Variants in MECOM observed in about 807,000 individuals in gnomAD.
MECOM encodes the protein histone-lysine N-methyltransferase MECOM.
In MECOM, 13 loss-of-function variants were observed where a neutral mutation model predicts 116.3. The observed-to-expected ratio is 0.11, with a 90% CI of 0.07 to 0.18. MECOM has a LOEUF of 0.18. MECOM is among the 10% of genes least tolerant of loss of function. The pLI is 1.00. For missense variants in MECOM, 1,299 were observed against 1,509.0 expected (o/e 0.86, Z 2.31); for synonymous variants, 528 against 535.2 (o/e 0.99, Z 0.19).
intron 2 of MECOM, among the ~76,000 whole-genome samples, chr3:169,274,094 T>C (rs1028690670): frequency 6.6e-6 from 1 of 151,976 alleles, no homozygotes; most frequent in African/African-American, 2.4e-5. Flanking sequence ...GCATTTTTAG[T>C]AGAGACAGGG....
At chr3:169,190,137 G>GCTTA (rs1747322292) in intron 2 of MECOM, among the ~76,000 whole-genome samples, 1 of 151,954 alleles carries the variant, frequency 6.6e-6, no homozygotes, top group Admixed American at 6.6e-5. Context: ...CAATTTTTAA[G>GCTTA]CTTACTTGCA....
intron 1 of MECOM, among the ~76,000 whole-genome samples, chr3:169,471,366 A>G (rs1310060999): frequency 1.4e-5 from 2 of 144,678 alleles, no homozygotes; most frequent in East Asian, 1.9e-4. Flanking sequence ...ACCTCAGGAA[A>G]AAAAAAAAAA....
At chr3:169,146,962 A>G (rs944522276) in intron 2 of MECOM, 1 of 1,000,142 alleles carries the variant, frequency 1.0e-6, no homozygotes, top group Admixed American at 5.5e-5. Flanking sequence ...CTCCAGGACC[A>G]CGCGTTTCGG....
At chr3:169,574,007 T>C (rs907043889) in intron 1 of MECOM, among the ~76,000 whole-genome samples, 7 of 152,210 alleles carry the variant, frequency 4.6e-5, no homozygotes, top group African/African-American at 1.7e-4. Context: ...TGTATGTATG[T>C]AAGCAAACAA....
At chr3:169,351,600 G>T (rs187425654) in intron 2 of MECOM, among the ~76,000 whole-genome samples, 448 of 151,914 alleles carry the variant, frequency 2.9e-3, no homozygotes, top group African/African-American at 0.01. Flanking sequence ...GCTGATAACG[G>T]TCATTTTTCT....
chr3:169,545,115 T>C (rs1760566410), intron 1 of MECOM, among the ~76,000 whole-genome samples: 1 of 152,222 alleles, frequency 6.6e-6, no homozygotes, highest in Non-Finnish European at 1.5e-5. Context: ...AACACAGCAT[T>C]GTACATGGAA....
At position 169,643,059 on chromosome 3, in the gene MECOM, A is replaced by G. The variant is rs140812657; in HGVS notation, c.37+20277T>C. Among the ~76,000 whole-genome samples the G allele has an allele frequency of 7.8e-3, 1,185 of 152,302 alleles. 22 individuals are homozygous for G. The highest frequency in any genetic ancestry group is 0.026 in the African/African-American group (1,101 of 41,552). On this transcript the variant is annotated intron_variant, in intron 1 of 16. Coordinates refer to ENST00000651503, the MANE Select transcript of MECOM (RefSeq NM_004991.4). ...AAAGGAGAGCAAAAAATATCTACAAATGGTTACTGCAACTGGTCAATTAAA... is the reference window on the plus strand; with the variant it reads ...AAAGGAGAGCAAAAAATATCTACAAGTGGTTACTGCAACTGGTCAATTAAA...
At chr3:169,240,571 C>T (rs950946363) in intron 2 of MECOM, among the ~76,000 whole-genome samples, 2 of 152,048 alleles carry the variant, frequency 1.3e-5, no homozygotes, top group Admixed American at 1.3e-4. Flanking sequence ...TGTTGAGATC[C>T]CAAACATCTT....
At chr3:169,421,283 T>C (rs1739681870) in intron 1 of MECOM, among the ~76,000 whole-genome samples, 1 of 152,210 alleles carries the variant, frequency 6.6e-6, no homozygotes, top group Non-Finnish European at 1.5e-5. Flanking sequence ...CTTCTTGTCT[T>C]CTCACTTTTG....
chr3:169,525,121 A>C (rs1757813630), intron 1 of MECOM, among the ~76,000 whole-genome samples: 1 of 152,242 alleles, frequency 6.6e-6, no homozygotes, highest in African/African-American at 2.4e-5. Flanking sequence ...TCACAGAAAC[A>C]AACTTATGTT....
At chr3:169,233,636 C>T (rs1321071291) in intron 2 of MECOM, among the ~76,000 whole-genome samples, 1 of 152,084 alleles carries the variant, frequency 6.6e-6, no homozygotes, top group African/African-American at 2.4e-5. Context: ...AAAGCTCACT[C>T]GACTGTCTTT....
chr3:169,490,291 G>T (rs1172808222), intron 1 of MECOM, among the ~76,000 whole-genome samples: 1 of 152,086 alleles, frequency 6.6e-6, no homozygotes, highest in Non-Finnish European at 1.5e-5. Context: ...CTGTTATTAG[G>T]TGGCAAAGTT....
At chr3:169,301,989 G>C (rs1236686724) in intron 2 of MECOM, among the ~76,000 whole-genome samples, 1 of 152,208 alleles carries the variant, frequency 6.6e-6, no homozygotes, top group Non-Finnish European at 1.5e-5. Flanking sequence ...TATTCTAGGA[G>C]ATGTCAAAGA....
rs535932641 is a variant in MECOM at position 169,392,215 on chromosome 3, T to C, written c.38-10691A>G. ...AGTGCCAGTAAACTTTTGCACTGGT[T>C]GATAAAGTTTCCTCCGTGGAATAAA... On this transcript the variant is annotated intron_variant, in intron 1 of 16. Coordinates refer to ENST00000651503, the MANE Select transcript of MECOM (RefSeq NM_004991.4). 7.2e-5 allele frequency among the ~76,000 whole-genome samples: 11 copies of C among 152,058 alleles called. No individual in the cohort carries two copies. In the South Asian group the frequency reaches 2.3e-3, roughly 32 times the overall value.
At chr3:169,134,008 C>T (rs1237845721) in intron 3 of MECOM, 1 of 1,237,990 alleles carries the variant, frequency 8.1e-7, no homozygotes, top group East Asian at 5.6e-5. Flanking sequence ...TTTTCGGTGG[C>T]TTCTCGGAAA....
chr3:169,449,334 C>T lies in MECOM; in HGVS notation c.38-67810G>A, dbSNP rs79543935. Reference sequence around the variant, plus strand: ...AGCCTGACAAATGACAGAGAAAGCTCAGGTTATTTTTTACACTGACTGCCA... The same window carrying T: ...AGCCTGACAAATGACAGAGAAAGCTTAGGTTATTTTTTACACTGACTGCCA... On this transcript the variant is annotated intron_variant, in intron 1 of 16. Transcript: ENST00000651503. Among the ~76,000 whole-genome samples the T allele has an allele frequency of 3.6e-3, 548 of 152,248 alleles. 8 individuals are homozygous for T. The highest frequency in any genetic ancestry group is 0.012 in the African/African-American group (513 of 41,556).
At chr3:169,222,775 T>C (rs913749127) in intron 2 of MECOM, among the ~76,000 whole-genome samples, 1 of 152,256 alleles carries the variant, frequency 6.6e-6, no homozygotes, top group African/African-American at 2.4e-5. Context: ...TGAAGTTTTC[T>C]TCTGGTCATT....
chr3:169,093,048 T>C lies in MECOM; in HGVS notation c.3074A>G (p.Asp1025Gly), dbSNP rs770994126. 1.6e-5 allele frequency: 26 copies of C among 1,613,764 alleles called. No individual in the cohort carries two copies. Among genetic ancestry groups the C allele is most frequent in the Non-Finnish European group, 2.1e-5 (25 of 1,179,822 alleles). The change falls in exon 14 of 17, where the codon GAT (aspartate) becomes GGT (glycine). Residue 1025 changes from aspartate to glycine, a missense_variant. Physicochemically the swap from Asp to Gly is moderately conservative, Grantham distance 94. Coordinates refer to ENST00000651503, the MANE Select transcript of MECOM (RefSeq NM_004991.4). ...TGTGAAGTAAGCATCTTCTTTGTCA[T>C]CCAGAATCGCACCTGTACTTTCCAG... ...SELESTGAIL[D>G]DKEDAYFTEI...
At chr3:169,613,945 T>C (rs1472226755) in intron 1 of MECOM, 1 of 152,212 alleles carries the variant, frequency 6.6e-6, no homozygotes, top group Non-Finnish European at 1.5e-5. Flanking sequence ...GGTGGTCTTA[T>C]GTTCCATCTT....
Sources: allele counts gnomAD v4.1 joint callset (sites outside exome capture counted in the v4.1 genomes callset), GRCh38; gene constraint gnomAD v4.1.1; transcripts MANE v1.5; gene names NCBI Gene and HGNC (gene_info 2026-07-23, HGNC 2026-07-21).